Variants in PRRC1 observed in about 807,000 individuals in gnomAD.
PRRC1 encodes the protein protein PRRC1.
Under a neutral mutation model 40.7 loss-of-function variants are expected in PRRC1, and 39 were observed. The observed-to-expected ratio is 0.96, with a 90% CI of 0.74 to 1.25. The LOEUF is 1.25. Among genes scored for constraint, PRRC1 ranks in the 50% most tolerant of loss-of-function variants. The probability of loss-of-function intolerance (pLI) is 0.00; values close to 1 mark genes in which losing one functional copy is unlikely to be tolerated. For synonymous variants in PRRC1, 175 were observed against 193.3 expected, an observed-to-expected ratio of 0.91 and a Z score of 0.79; for missense variants, 573 against 548.3, an observed-to-expected ratio of 1.05 and a Z score of -0.45.
At chr5:127,533,856 G>A (rs1036179646) in intron 6 of PRRC1, 70 bp downstream of exon 6, 1 of 1,523,222 alleles carries the variant, frequency 6.6e-7, no homozygotes, top group Non-Finnish European at 9.1e-7. Context: ...CTGATAATCT[G>A]TTGTCTCTAT....
In PRRC1 at chr5:127,551,494, G is replaced by A. The variant is rs1768380098; in HGVS notation, c.1129-213G>A. 5.6e-6 allele frequency: 3 copies of A among 540,170 alleles called. No homozygotes were observed. The South Asian group carries it at 7.2e-5, about 13-fold the overall frequency. The allele number at this position is 540,170 out of a possible 1,614,324, so 33.5% of individuals were successfully genotyped here. A position where few individuals can be genotyped will look rare whatever the true frequency, so the allele number is the denominator to read the frequency against. The stretch of plus-strand genomic sequence containing the variant: ...CCTTCCGACTGTTAGCCTCGTTAAT[G>A]GGGATATTTTTTAAAAAATAGATGT... On this transcript the variant is annotated intron_variant, in intron 8 of 8. Coordinates refer to ENST00000296666, the MANE Select transcript of PRRC1 (RefSeq NM_130809.5).
In PRRC1 at chr5:127,552,268, A is replaced by ATTAT; in HGVS notation, c.*354_*357dup. On this transcript the variant is annotated 3_prime_UTR_variant, in exon 9 of 9. Transcript: ENST00000296666. ...GATTATTTTGTTCTTTAAAGAAGAC[A>ATTAT]TTATTAAAGAACATGTTGGTTGAAT... is the stretch of plus-strand genomic sequence containing the variant. 1 of 1,051,446 alleles carries ATTAT rather than the reference A, an allele frequency of 9.5e-7. No homozygotes were observed. Among genetic ancestry groups the ATTAT allele is most frequent in the Non-Finnish European group, 1.2e-6 (1 of 869,330 alleles). The allele number at this position is 1,051,446 out of a possible 1,614,324, so 65.1% of individuals were successfully genotyped here. A position where few individuals can be genotyped will look rare whatever the true frequency, so the allele number is the denominator to read the frequency against.
rs1309086556 is a variant in PRRC1, at chr5:127,548,356, G to A, written c.1128+435G>A. Reference sequence around the variant, plus strand: ...GAAATCAACATTAGAAACCTTATAGGCACGTGTCTTTAGGTTTTTGGCTGA... The same window carrying A: ...GAAATCAACATTAGAAACCTTATAGACACGTGTCTTTAGGTTTTTGGCTGA... On this transcript the variant is annotated intron_variant, in intron 8 of 8. Coordinates refer to ENST00000296666, the MANE Select transcript of PRRC1 (RefSeq NM_130809.5). The A allele has an allele frequency of 1.2e-5, 3 of 255,766 alleles. No homozygotes were observed. The Admixed American group carries it at 1.5e-4, about 13-fold the overall frequency. The allele number at this position is 255,766 out of a possible 1,614,324, so 15.8% of individuals were successfully genotyped here.
intron 1 of PRRC1, among the ~76,000 whole-genome samples, chr5:127,519,001 T>C (rs185394639): frequency 2.0e-5 from 3 of 152,284 alleles, no homozygotes; most frequent in African/African-American, 7.2e-5. Context: ...ATTACGGCAG[T>C]TTTCATATAA....
intron 8 of PRRC1, chr5:127,548,808 AAG>A (rs1157425942): frequency 6.6e-6 from 1 of 152,144 alleles, no homozygotes. Context: ...AAAGGGGGCT[AAG>A]AATTGATGCT....
intron 2 of PRRC1, 128 bp downstream of exon 2, chr5:127,523,710 A>G (rs1050611927): frequency 4.1e-6 from 2 of 485,918 alleles, no homozygotes; most frequent in African/African-American, 2.0e-5. Flanking sequence ...GATGAAAGGA[A>G]ATAGCCTTTT....
Position 127,552,145 on chromosome 5 carries a change from A to G in PRRC1, c.*229A>G. On this transcript the variant is annotated 3_prime_UTR_variant, in exon 9 of 9. Transcript: ENST00000296666. ...ATTTCACCTATCATAGTACTCAAAA[A>G]AGAAAATATACAAATCTATTTACAG... The G allele has an allele frequency of 7.5e-7, 1 of 1,325,254 alleles. No individual in the cohort carries two copies. 82.1% of individuals were successfully genotyped at this position (1,325,254 alleles called of 1,614,324 possible).
intron 7 of PRRC1, among the ~76,000 whole-genome samples, chr5:127,545,082 A>G (rs1249776073): frequency 6.6e-6 from 1 of 152,124 alleles, no homozygotes; most frequent in Non-Finnish European, 1.5e-5. Context: ...CAAAACCACA[A>G]TGAGATACCA....
At chr5:127,526,841 A>G in intron 4 of PRRC1, 63 bp downstream of exon 4, 1 of 1,311,454 alleles carries the variant, frequency 7.6e-7, no homozygotes, top group East Asian at 2.7e-5. Flanking sequence ...TATTCATTAG[A>G]GAAAATATTG....
chr5:127,546,187 C>T (rs1461716898), intron 7 of PRRC1, among the ~76,000 whole-genome samples: 1 of 152,150 alleles, frequency 6.6e-6, no homozygotes, highest in Admixed American at 6.5e-5. Context: ...TTCAGGTTCA[C>T]TAATCCTGCC....
chr5:127,538,288 T>A (rs1201443303), intron 6 of PRRC1, among the ~76,000 whole-genome samples: 1 of 152,086 alleles, frequency 6.6e-6, no homozygotes, highest in Non-Finnish European at 1.5e-5. Context: ...ATTGTCTGTT[T>A]ACCTCTGCTG....
chr5:127,540,801 T>C (rs1327143196), intron 7 of PRRC1, among the ~76,000 whole-genome samples: 1 of 152,200 alleles, frequency 6.6e-6, no homozygotes, highest in African/African-American at 2.4e-5. Context: ...GTTTGTTTTT[T>C]TCTTGTAAAT....
chr5:127,550,210 T>G (rs1049136027), intron 8 of PRRC1: 1 of 152,166 alleles, frequency 6.6e-6, no homozygotes, highest in Admixed American at 6.5e-5. Context: ...TGCTTTTTAT[T>G]CTGTTTGTTT....
Position 127,553,812 on chromosome 5 carries a change from G to A in PRRC1, c.*1896G>A. 1 of 1,535,516 alleles carries A rather than the reference G, an allele frequency of 6.5e-7. No individual in the cohort carries two copies. The highest frequency in any genetic ancestry group is 2.0e-5 in the Admixed American group (1 of 50,962). The stretch of plus-strand genomic sequence containing the variant: ...ATTTCATTAGATGATTATTTTCCTA[G>A]AATCCCCAAAGAGCAGTGGCAGTCC... On this transcript the variant is annotated 3_prime_UTR_variant, in exon 9 of 9. Coordinates refer to ENST00000296666, the MANE Select transcript of PRRC1 (RefSeq NM_130809.5).
chr5:127,544,083 C>T (rs1768137669), intron 7 of PRRC1, among the ~76,000 whole-genome samples: 1 of 152,102 alleles, frequency 6.6e-6, no homozygotes, highest in Admixed American at 6.5e-5. Context: ...GTTAGTTTTC[C>T]TTCTAACAGA....
chr5:127,544,314 C>T (rs1019551818), intron 7 of PRRC1, among the ~76,000 whole-genome samples: 3 of 152,172 alleles, frequency 2.0e-5, no homozygotes, highest in Non-Finnish European at 2.9e-5. Flanking sequence ...AGTTAGGCTG[C>T]TCGGGGGTCA....
chr5:127,548,630 C>T (rs1423899377), intron 8 of PRRC1: 1 of 151,926 alleles, frequency 6.6e-6, no homozygotes, highest in Non-Finnish European at 1.5e-5. Flanking sequence ...AATATCATTT[C>T]AAAACTGCCT....
At position 127,524,784 on chromosome 5, in the gene PRRC1, T is replaced by A. The variant is rs747368545; in HGVS notation, c.357T>A (p.Thr119=). ...HFPPSTSAPN[T]LLPAPPSGPP... The stretch of plus-strand genomic sequence containing the variant: ...CACCTTCAACTTCTGCCCCAAACAC[T>A]CTTTTACCTGCACCCCCTTCGGGTC... The change falls in exon 3 of 9, where the codon ACT becomes ACA. Residue 119 remains threonine (T), a synonymous_variant. Transcript: ENST00000296666. 30 of 1,614,138 alleles carry A rather than the reference T, an allele frequency of 1.9e-5. No individual in the cohort carries two copies. Among genetic ancestry groups the A allele is most frequent in the Non-Finnish European group, 2.5e-5 (30 of 1,180,012 alleles).
intron 5 of PRRC1, among the ~76,000 whole-genome samples, chr5:127,531,312 A>C (rs1051798842): frequency 2.0e-5 from 3 of 152,164 alleles, no homozygotes; most frequent in African/African-American, 4.8e-5. Context: ...GCTGTATTGA[A>C]CTCATGCTCA....
Sources: gnomAD v4.1 joint callset for allele counts (sites outside exome capture counted in the v4.1 genomes callset) on GRCh38, gnomAD v4.1.1 for gene constraint, MANE v1.5 for transcripts, NCBI Gene and HGNC (gene_info 2026-07-23, HGNC 2026-07-21) for gene names.